RASGRF2: variants seen among roughly 807,000 people sequenced by gnomAD.
RASGRF2 encodes the protein ras-specific guanine nucleotide-releasing factor 2.
RASGRF2 carries 76 observed loss-of-function variants against 151.0 expected under a neutral mutation model. The observed-to-expected ratio is 0.50, with a 90% CI of 0.42 to 0.61. RASGRF2 has a LOEUF of 0.61. Among genes scored for constraint, RASGRF2 ranks in the 20% least tolerant of loss-of-function variants. RASGRF2 has a pLI of 0.00. For synonymous variants in RASGRF2, 504 were observed against 566.5 expected (o/e 0.89, Z 1.57); for missense variants, 1,148 against 1,564.6 (o/e 0.73, Z 4.49).
At chr5:81,027,182 G>A (rs1301967483) in intron 1 of RASGRF2, among the ~76,000 whole-genome samples, 1 of 151,898 alleles carries the variant, frequency 6.6e-6, no homozygotes, top group African/African-American at 2.4e-5. Context: ...AGTGATGGTG[G>A]TTGCATGACT....
chr5:81,172,549 G>A (rs981057547), intron 17 of RASGRF2, among the ~76,000 whole-genome samples: 2 of 151,714 alleles, frequency 1.3e-5, no homozygotes, highest in Non-Finnish European at 2.9e-5. Context: ...AAAAACTGAA[G>A]GATAAGAACA....
chr5:81,152,994 A>G (rs1754171584), intron 17 of RASGRF2, among the ~76,000 whole-genome samples: 1 of 152,220 alleles, frequency 6.6e-6, no homozygotes, highest in Non-Finnish European at 1.5e-5. Flanking sequence ...AGGGAACATC[A>G]ACATTGCAAC....
intron 26 of RASGRF2, among the ~76,000 whole-genome samples, chr5:81,221,039 G>A (rs1312560792): frequency 6.6e-6 from 1 of 152,150 alleles, no homozygotes; most frequent in African/African-American, 2.4e-5. Context: ...GGGGTTATGG[G>A]TTATTGGAAG....
At chr5:81,156,990 A>G (rs61333053) in intron 17 of RASGRF2, among the ~76,000 whole-genome samples, 3,327 of 152,274 alleles carry the variant, frequency 0.022, 119 homozygotes, top group African/African-American at 0.075. Context: ...AGATCAATAT[A>G]TAAAAATCAA....
chr5:80,960,688 C>G lies in RASGRF2; in HGVS notation c.-51C>G, dbSNP rs374422363. 7.2e-4 allele frequency: 996 copies of G among 1,384,312 alleles called. 3 individuals are homozygous for G. The highest frequency in any genetic ancestry group is 3.2e-3 in the East Asian group (117 of 36,258). The allele number at this position is 1,384,312 out of a possible 1,614,324, so 85.8% of individuals were successfully genotyped here. A position where few individuals can be genotyped will look rare whatever the true frequency, so the allele number is the denominator to read the frequency against. On this transcript the variant is annotated 5_prime_UTR_variant, in exon 1 of 27. Coordinates refer to ENST00000265080, the MANE Select transcript of RASGRF2 (RefSeq NM_006909.3). The surrounding 1 kb of genome is among the most constrained non-coding windows in gnomAD (Gnocchi z 5.5). ...GAGGGAGCCAGCTGGGCCATGGCCGCGAGGCAGGGGTGAGACCGGCGGCCA... is the reference window on the plus strand; with the variant it reads ...GAGGGAGCCAGCTGGGCCATGGCCGGGAGGCAGGGGTGAGACCGGCGGCCA...
intron 1 of RASGRF2, among the ~76,000 whole-genome samples, chr5:80,961,339 G>A (rs1195206742): frequency 6.6e-6 from 1 of 152,168 alleles, no homozygotes; most frequent in Admixed American, 6.5e-5. Flanking sequence ...TCTAGACCTG[G>A]CTCGCCAGAT....
At chr5:81,185,465 A>C (rs1244405518) in intron 18 of RASGRF2, among the ~76,000 whole-genome samples, 1 of 152,136 alleles carries the variant, frequency 6.6e-6, no homozygotes, top group Non-Finnish European at 1.5e-5. Context: ...GGTGAAAAAG[A>C]CCACTGGCAG....
intron 17 of RASGRF2, among the ~76,000 whole-genome samples, chr5:81,162,763 T>C (rs1754416665): frequency 6.6e-6 from 1 of 152,236 alleles, no homozygotes; most frequent in Non-Finnish European, 1.5e-5. Context: ...CATTGAGCAT[T>C]GCAGGCTGAT....
intron 1 of RASGRF2, among the ~76,000 whole-genome samples, chr5:80,986,341 C>T (rs1748471449): frequency 6.6e-6 from 1 of 152,196 alleles, no homozygotes; most frequent in African/African-American, 2.4e-5. Flanking sequence ...TTTGCACACC[C>T]ACTGCCCCAT....
At chr5:81,066,781 T>G in intron 2 of RASGRF2, among the ~76,000 whole-genome samples, 1 of 152,228 alleles carries the variant, frequency 6.6e-6, no homozygotes, top group East Asian at 1.9e-4. Flanking sequence ...GAATCCCAGA[T>G]TCCAAGGGGA....
chr5:80,997,144 T>C (rs921372605), intron 1 of RASGRF2: 23 of 152,350 alleles, frequency 1.5e-4, no homozygotes, highest in African/African-American at 5.5e-4. Context: ...ACTGTGGTTT[T>C]CCCTCTAGGT....
intron 1 of RASGRF2, among the ~76,000 whole-genome samples, chr5:81,030,083 T>C (rs773122066): frequency 1.9e-4 from 29 of 151,424 alleles, no homozygotes; most frequent in Non-Finnish European, 3.5e-4. Context: ...TGAAATGAAG[T>C]GAGAAGAGAA....
At chr5:81,074,276 T>C (rs1390459750) in intron 5 of RASGRF2, among the ~76,000 whole-genome samples, 1 of 152,142 alleles carries the variant, frequency 6.6e-6, no homozygotes, top group Non-Finnish European at 1.5e-5. Context: ...GTGAAATAGA[T>C]AGTATATTAT....
In RASGRF2 at chr5:81,012,652, C is replaced by T. The variant is rs374007206; in HGVS notation, c.289-30225C>T. Among the ~76,000 whole-genome samples, 5 of 152,250 alleles carry T rather than the reference C, an allele frequency of 3.3e-5. No individual in the cohort carries two copies. In the East Asian group the frequency reaches 7.7e-4, roughly 24 times the overall value. ...GAGGGGTGATGTAAAGGTCCAGCCA[C>T]TTCAGACTGAGGTGGGACAACTCCG... On this transcript the variant is annotated intron_variant, in intron 1 of 26. Transcript: ENST00000265080.
At chr5:81,027,922 G>A (rs893493061) in intron 1 of RASGRF2, among the ~76,000 whole-genome samples, 6 of 152,212 alleles carry the variant, frequency 3.9e-5, no homozygotes, top group Non-Finnish European at 8.8e-5. Context: ...CAACATGCAT[G>A]TGGCAGCTTA....
chr5:81,121,540 G>A (rs1753307906), intron 15 of RASGRF2, among the ~76,000 whole-genome samples: 1 of 152,146 alleles, frequency 6.6e-6, no homozygotes, highest in African/African-American at 2.4e-5. Context: ...GGAGAAAGAA[G>A]CGAAATAGGA....
At chr5:81,004,275 A>G (rs1482545909) in intron 1 of RASGRF2, among the ~76,000 whole-genome samples, 2 of 152,214 alleles carry the variant, frequency 1.3e-5, no homozygotes, top group Non-Finnish European at 1.5e-5. Flanking sequence ...AGGGGAGACA[A>G]TTATGCTCAG....
At chr5:80,984,813 C>G (rs908954521) in intron 1 of RASGRF2, among the ~76,000 whole-genome samples, 2 of 152,120 alleles carry the variant, frequency 1.3e-5, no homozygotes, top group Non-Finnish European at 2.9e-5. Flanking sequence ...TATGGATTAT[C>G]CACATAATTG....
chr5:81,040,320 G>A (rs973989226), intron 1 of RASGRF2, among the ~76,000 whole-genome samples: 3 of 152,104 alleles, frequency 2.0e-5, no homozygotes, highest in African/African-American at 7.2e-5. Flanking sequence ...ATTTTTTTAA[G>A]TGACTTGATA....
Sources: gnomAD v4.1 joint callset for allele counts (sites outside exome capture counted in the v4.1 genomes callset) on GRCh38, gnomAD v4.1.1 for gene constraint, Gnocchi (gnomAD v3.1) non-coding constraint, MANE v1.5 for transcripts, NCBI Gene and HGNC (gene_info 2026-07-23, HGNC 2026-07-21) for gene names.